The following C20orf203 variants were observed in gnomAD, a reference collection of about 807,000 sequenced individuals.
The protein encoded by C20orf203 is uncharacterized protein C20orf203.
Under a neutral mutation model 15.9 loss-of-function variants are expected in C20orf203, and 16 were observed. That is an observed-to-expected ratio of 1.01 (90% CI 0.68 to 1.53). The LOEUF is 1.53. Among genes scored for constraint, C20orf203 ranks in the 40% most tolerant of loss-of-function variants. The pLI, the probability that C20orf203 is intolerant of heterozygous loss-of-function variation, is 0.00. For missense variants in C20orf203, 263 were observed against 247.5 expected (o/e 1.06, Z -0.42); for synonymous variants, 98 against 97.2 (o/e 1.01, Z -0.05).
At chr20:32,665,399 A>G (rs1373373863) in intron 1 of C20orf203, among the ~76,000 whole-genome samples, 1 of 152,250 alleles carries the variant, frequency 6.6e-6, no homozygotes, top group African/African-American at 2.4e-5. Flanking sequence ...GCCTGTGCTC[A>G]GGAGCCTCCA....
intron 1 of C20orf203, among the ~76,000 whole-genome samples, chr20:32,672,557 A>G (rs1203212616): frequency 6.9e-6 from 1 of 145,836 alleles, no homozygotes; most frequent in Non-Finnish European, 1.5e-5. Context: ...TGGGTGACAG[A>G]GCAAGACAAT....
intron 5 of C20orf203, among the ~76,000 whole-genome samples, chr20:32,637,346 G>A (rs1479701398): frequency 6.6e-6 from 1 of 152,198 alleles, no homozygotes; most frequent in East Asian, 1.9e-4. Context: ...CCAGGAAGAG[G>A]AGGTTGCAGG....
At chr20:32,662,284 G>T (rs993716482) in intron 1 of C20orf203, among the ~76,000 whole-genome samples, 1 of 152,144 alleles carries the variant, frequency 6.6e-6, no homozygotes, top group African/African-American at 2.4e-5. Flanking sequence ...GCCCTGCTCT[G>T]CAAGGAGCTA....
Position 32,640,844 on chromosome 20 carries a change from A to G in C20orf203, c.*1178-157T>C, listed in dbSNP as rs549372543. 6.6e-5 allele frequency among the ~76,000 whole-genome samples: 10 copies of G among 152,268 alleles called. No individual in the cohort carries two copies. The South Asian group carries it at 1.4e-3, about 22-fold the overall frequency. ...ACCTAGGCAACCATATTCTGTCTCT[A>G]TGGATTTCCCTCTTCTGGACATTTC... On this transcript the variant is annotated intron_variant, in intron 4 of 5. Transcript: ENST00000608990.
Position 32,637,446 on chromosome 20 carries a change from C to T in C20orf203, c.*1299+3120G>A, listed in dbSNP as rs139835839. ...AAAGAAAGAAAGAAAGAAAAAGAAA[C>T]GAATGAGTAGACAACGAAACAGTAA... On this transcript the variant is annotated intron_variant, in intron 5 of 5. Transcript: ENST00000608990. Among the ~76,000 whole-genome samples, 481 of 152,212 alleles carry T rather than the reference C, an allele frequency of 3.2e-3. 2 individuals are homozygous for T. Among genetic ancestry groups the T allele is most frequent in the African/African-American group, 0.01 (430 of 41,532 alleles).
Position 32,650,217 on chromosome 20 carries a change from C to T in C20orf203, c.*215G>A. 1 of 560,854 alleles carries T rather than the reference C, an allele frequency of 1.8e-6. No homozygotes were observed. The highest frequency in any genetic ancestry group is 2.2e-5 in the South Asian group (1 of 45,630). The allele number at this position is 560,854 out of a possible 1,614,324, so 34.7% of individuals were successfully genotyped here. On this transcript the variant is annotated 3_prime_UTR_variant, in exon 4 of 6. Coordinates refer to ENST00000608990, the MANE Select transcript of C20orf203 (RefSeq NM_182584.4). ...GGGGTTCTACCCAGAGCCAGCCTGG[C>T]ACAGCCTCGGTCCCTAATCATGTTT...
rs565024117 is a variant in C20orf203, at chr20:32,651,125, G to A, written c.28C>T (p.Arg10Trp). The change falls in exon 3 of 6, where the codon CGG becomes TGG. Residue 10 changes from arginine (R) to tryptophan (W), a missense_variant. Physicochemically the swap from Arg to Trp is moderately radical, Grantham distance 101 (BLOSUM62 -3). Coordinates refer to ENST00000608990, the MANE Select transcript of C20orf203 (RefSeq NM_182584.4). ...TGAGGCAGGAGAATCGCTTGAGCCCGGGAGTTCAAGACAGGCCTAGGAAAC... is the reference window on the plus strand; with the variant it reads ...TGAGGCAGGAGAATCGCTTGAGCCCAGGAGTTCAAGACAGGCCTAGGAAAC... MFPRPVLNS[R>W]AQAILLPQPP... is the part of the protein sequence containing the mutation. The A allele has an allele frequency of 7.1e-5, 80 of 1,128,370 alleles. No individual in the cohort carries two copies. The highest frequency in any genetic ancestry group is 1.8e-4 in the South Asian group (12 of 67,194). 69.9% of individuals were successfully genotyped at this position (1,128,370 alleles called of 1,614,324 possible).
At chr20:32,639,904 G>A (rs1982235262) in intron 5 of C20orf203, among the ~76,000 whole-genome samples, 1 of 152,176 alleles carries the variant, frequency 6.6e-6, no homozygotes, top group South Asian at 2.1e-4. Context: ...CAGGCCCTTG[G>A]ATTCCTGAGT....
chr20:32,656,148 C>T (rs562973430), intron 1 of C20orf203, among the ~76,000 whole-genome samples: 1 of 152,316 alleles, frequency 6.6e-6, no homozygotes, highest in East Asian at 1.9e-4. Context: ...GAACTGTGAG[C>T]CAAATAAACC....
chr20:32,669,241 G>A (rs187573278), intron 1 of C20orf203, among the ~76,000 whole-genome samples: 11 of 152,246 alleles, frequency 7.2e-5, no homozygotes, highest in East Asian at 5.8e-4. Flanking sequence ...AACTGGGGGC[G>A]GACTCTAGGC....
chr20:32,638,069 G>A (rs1739687026), intron 5 of C20orf203, among the ~76,000 whole-genome samples: 1 of 152,074 alleles, frequency 6.6e-6, no homozygotes, highest in African/African-American at 2.4e-5. Flanking sequence ...TGGCAGGAGG[G>A]GCAGAGGCCA....
intron 1 of C20orf203, among the ~76,000 whole-genome samples, chr20:32,669,985 G>A (rs1327232432): frequency 7.9e-5 from 12 of 151,012 alleles, no homozygotes; most frequent in Non-Finnish European, 1.8e-4. Flanking sequence ...GTGGATTCAC[G>A]AGGTCAGGAG....
At chr20:32,656,429 C>T (rs1202099535) in intron 1 of C20orf203, 1 of 152,184 alleles carries the variant, frequency 6.6e-6, no homozygotes, top group Non-Finnish European at 1.5e-5. Flanking sequence ...TCAGAACCCT[C>T]ATACACTGCT....
intron 5 of C20orf203, among the ~76,000 whole-genome samples, chr20:32,636,431 C>T (rs1345276383): frequency 2.0e-5 from 3 of 152,174 alleles, no homozygotes; most frequent in East Asian, 3.9e-4. Context: ...AAGGACACGG[C>T]GCTGCTCCCC....
At chr20:32,655,380 G>A (rs1374725770) in intron 1 of C20orf203, among the ~76,000 whole-genome samples, 46 of 151,936 alleles carry the variant, frequency 3.0e-4, no homozygotes, top group Admixed American at 2.6e-3. Flanking sequence ...TCAAAAAAGT[G>A]AAAAGACAAC....
At chr20:32,656,583 C>CG (rs1982759343) in intron 1 of C20orf203, 2 of 152,152 alleles carry the variant, frequency 1.3e-5, no homozygotes, top group African/African-American at 4.8e-5. Context: ...TACATAAGGC[C>CG]GGGCGCAGTG....
In C20orf203 at chr20:32,633,702, G is replaced by A. The variant is rs566997441; in HGVS notation, c.*1868C>T. On this transcript the variant is annotated 3_prime_UTR_variant, in exon 6 of 6. Transcript: ENST00000608990. ...ACAGGGGCTCCAGAGCCCATGACACGTTTCCCTCTTGTAGAAGGTCCTTGT... is the reference window on the plus strand; with the variant it reads ...ACAGGGGCTCCAGAGCCCATGACACATTTCCCTCTTGTAGAAGGTCCTTGT... 1.3e-4 allele frequency: 36 copies of A among 280,030 alleles called. No individual in the cohort carries two copies. The South Asian group carries it at 5.7e-3, about 44-fold the overall frequency. 17.3% of individuals were successfully genotyped at this position (280,030 alleles called of 1,614,324 possible). A position where few individuals can be genotyped will look rare whatever the true frequency, so the allele number is the denominator to read the frequency against.
chr20:32,661,173 C>T (rs7268795), intron 1 of C20orf203, among the ~76,000 whole-genome samples: 27,964 of 152,164 alleles, frequency 0.18, 3,347 homozygotes, highest in Non-Finnish European at 0.26. Context: ...TCTCAGGACC[C>T]GACTTAGTCA....
intron 5 of C20orf203, among the ~76,000 whole-genome samples, chr20:32,637,293 G>T (rs1037850200): frequency 6.6e-6 from 1 of 152,160 alleles, no homozygotes; most frequent in South Asian, 2.1e-4. Flanking sequence ...GGCGCCTATA[G>T]TCTCAGTTAC....
Sources: gnomAD v4.1 joint callset for allele counts (sites outside exome capture counted in the v4.1 genomes callset) on GRCh38, gnomAD v4.1.1 for gene constraint, MANE v1.5 for transcripts, NCBI Gene and HGNC (gene_info 2026-07-23, HGNC 2026-07-21) for gene names.